STARD13: variants seen among roughly 807,000 people sequenced by gnomAD.
The protein encoded by STARD13 is StAR related lipid transfer domain containing 13.
STARD13 carries 62 observed loss-of-function variants against 106.4 expected under a neutral mutation model. The ratio of observed to expected loss-of-function variants is 0.58; its 90% CI spans 0.48 to 0.72. STARD13 has a LOEUF of 0.72. Ranked by LOEUF, STARD13 falls within the 30% of genes least tolerant of loss-of-function variation. The pLI is 0.00. For synonymous variants in STARD13, 565 were observed against 553.0 expected, an observed-to-expected ratio of 1.02 and a Z score of -0.31; for missense variants, 1,387 against 1,424.0, an observed-to-expected ratio of 0.97 and a Z score of 0.42.
At chr13:33,545,568 C>T in the STARD13 span, among the ~76,000 whole-genome samples, 1 of 152,180 alleles carries the variant, frequency 6.6e-6, no homozygotes, top group East Asian at 1.9e-4. Flanking sequence ...CCAAATCTCA[C>T]GTTGAAATTT....
chr13:33,526,545 CCAAGAGAGCAAAAG>C, the STARD13 span, among the ~76,000 whole-genome samples: 1 of 152,128 alleles, frequency 6.6e-6, no homozygotes, highest in Non-Finnish European at 1.5e-5. Flanking sequence ...AGCCACCATA[CCAAGAGAGCAAAAG>C]AGTAGTTAGG....
At chr13:33,433,300 A>G in the STARD13 span, among the ~76,000 whole-genome samples, 1 of 152,166 alleles carries the variant, frequency 6.6e-6, no homozygotes, top group Admixed American at 6.5e-5. Flanking sequence ...AACTGCTCCT[A>G]TCTCCCAGAA....
At chr13:33,307,242 G>A (rs750526807) in intron 1 of STARD13, among the ~76,000 whole-genome samples, 5 of 152,220 alleles carry the variant, frequency 3.3e-5, no homozygotes, top group Non-Finnish European at 5.9e-5. Flanking sequence ...GTGGAAGACA[G>A]TGTGGCAATT....
chr13:33,199,890 C>T (rs1210069492), intron 1 of STARD13, among the ~76,000 whole-genome samples: 1 of 152,182 alleles, frequency 6.6e-6, no homozygotes, highest in Non-Finnish European at 1.5e-5. Context: ...TACCAATGGT[C>T]CAGGATGCAG....
chr13:33,209,221 G>A lies in STARD13; in HGVS notation c.170-41599C>T, dbSNP rs529067674. On this transcript the variant is annotated intron_variant, in intron 1 of 13. Coordinates refer to ENST00000336934, the MANE Select transcript of STARD13 (RefSeq NM_178006.4). ...TAGAGCTGTGCAGTGTACAACCTACGCAAATGTATATGGTGTCTCTGCCTA... is the reference window on the plus strand; with the variant it reads ...TAGAGCTGTGCAGTGTACAACCTACACAAATGTATATGGTGTCTCTGCCTA... Among the ~76,000 whole-genome samples the A allele has an allele frequency of 5.9e-5, 9 of 152,214 alleles. No individual in the cohort carries two copies. The South Asian group carries it at 6.2e-4, about 11-fold the overall frequency.
chr13:33,620,287 T>C, the STARD13 span, among the ~76,000 whole-genome samples: 1 of 117,810 alleles, frequency 8.5e-6, no homozygotes, highest in Non-Finnish European at 1.7e-5. Context: ...TTCTTTTTTC[T>C]TTTTTTTTTT....
At chr13:33,169,577 TG>T (rs906286692) in intron 1 of STARD13, among the ~76,000 whole-genome samples, 1 of 152,236 alleles carries the variant, frequency 6.6e-6, no homozygotes, top group African/African-American at 2.4e-5. Context: ...CAGCAAGTCT[TG>T]GAGAGAAGCA....
intron 1 of STARD13, among the ~76,000 whole-genome samples, chr13:33,316,150 CT>C (rs1320121284): frequency 2.0e-5 from 3 of 152,166 alleles, no homozygotes; most frequent in African/African-American, 7.2e-5. Context: ...CAGACTCTAC[CT>C]TCTGCCTTCC....
At chr13:33,403,960 C>G in the STARD13 span, among the ~76,000 whole-genome samples, 1 of 152,204 alleles carries the variant, frequency 6.6e-6, no homozygotes, top group Non-Finnish European at 1.5e-5. Flanking sequence ...TCTTCCATTA[C>G]TCTAGGTGCT....
At chr13:33,251,984 G>A (rs1890115508) in intron 1 of STARD13, among the ~76,000 whole-genome samples, 1 of 152,028 alleles carries the variant, frequency 6.6e-6, no homozygotes, top group Admixed American at 6.6e-5. Context: ...AAAACGATAA[G>A]CTTTATTCAT....
At chr13:33,287,251 T>C (rs1436377026), upstream of STARD13, among the ~76,000 whole-genome samples, 7 of 152,204 alleles carry the variant, frequency 4.6e-5, no homozygotes, top group Non-Finnish European at 1.0e-4. Flanking sequence ...CCTTAACAAC[T>C]TTCCCTGAGG....
chr13:33,667,000 G>A, the STARD13 span, among the ~76,000 whole-genome samples: 12 of 152,298 alleles, frequency 7.9e-5, no homozygotes, highest in East Asian at 1.9e-4. Flanking sequence ...ATTTACTTCC[G>A]TTAACCACAA....
the STARD13 span, among the ~76,000 whole-genome samples, chr13:33,391,406 A>G: frequency 6.6e-6 from 1 of 152,190 alleles, no homozygotes; most frequent in Non-Finnish European, 1.5e-5. Flanking sequence ...TGCAAGTAGG[A>G]ACATTTACCG....
At chr13:33,142,641 C>A (rs1373887473) in intron 3 of STARD13, among the ~76,000 whole-genome samples, 3 of 152,220 alleles carry the variant, frequency 2.0e-5, no homozygotes, top group African/African-American at 7.2e-5. Flanking sequence ...TCTCTTTCCA[C>A]TGTTCTTGGA....
At chr13:33,366,752 A>G in the STARD13 span, among the ~76,000 whole-genome samples, 4 of 152,336 alleles carry the variant, frequency 2.6e-5, no homozygotes, top group African/African-American at 9.6e-5. The surrounding 1 kb of genome is among the most constrained non-coding windows in gnomAD (Gnocchi z 4.2). Context: ...GATAAACTTC[A>G]CTATACATAT....
chr13:33,362,137 T>C, the STARD13 span, among the ~76,000 whole-genome samples: 3 of 152,152 alleles, frequency 2.0e-5, no homozygotes, highest in Admixed American at 6.5e-5. Flanking sequence ...AATTAGCTCG[T>C]TGTTCTGCAG....
chr13:33,607,303 T>C, the STARD13 span, among the ~76,000 whole-genome samples: 1 of 150,944 alleles, frequency 6.6e-6, no homozygotes, highest in African/African-American at 2.4e-5. Flanking sequence ...TTGTTTCTTT[T>C]TTTTTTTTTT....
chr13:33,265,930 T>C (rs1304135323), intron 1 of STARD13, among the ~76,000 whole-genome samples: 4 of 152,186 alleles, frequency 2.6e-5, no homozygotes, highest in African/African-American at 9.7e-5. Context: ...TTAGGAATTG[T>C]AAACATAAAA....
chr13:33,460,708 T>TAA, the STARD13 span, among the ~76,000 whole-genome samples: 9,414 of 151,832 alleles, frequency 0.062, 677 homozygotes, highest in African/African-American at 0.18. Context: ...TCTAGATTTC[T>TAA]AAAGCATCAT....
Sources: gnomAD v4.1 joint callset for allele counts (sites outside exome capture counted in the v4.1 genomes callset) on GRCh38, gnomAD v4.1.1 for gene constraint, Gnocchi (gnomAD v3.1) non-coding constraint, MANE v1.5 for transcripts, NCBI Gene and HGNC (gene_info 2026-07-23, HGNC 2026-07-21) for gene names.